TAFA2: variants seen among roughly 807,000 people sequenced by gnomAD.
TAFA2 encodes chemokine-like protein TAFA-2.
A neutral mutation model predicts 18.8 loss-of-function variants in TAFA2; 7 were observed. That is an observed-to-expected ratio of 0.37 (90% CI 0.21 to 0.70). TAFA2 has a LOEUF of 0.70. Ranked by LOEUF, TAFA2 falls within the 30% of genes least tolerant of loss-of-function variation. The probability of loss-of-function intolerance (pLI) is 0.53; values close to 1 mark genes in which losing one functional copy is unlikely to be tolerated. For synonymous variants in TAFA2, 60 were observed against 54.2 expected (o/e 1.11, Z -0.47); for missense variants, 122 against 158.1 (o/e 0.77, Z 1.23).
At chr12:62,093,225 T>C (rs1868796507) in intron 1 of TAFA2, among the ~76,000 whole-genome samples, 1 of 151,982 alleles carries the variant, frequency 6.6e-6, no homozygotes, top group South Asian at 2.1e-4. Context: ...ATTATTCTTT[T>C]AGGAAAATAT....
chr12:61,841,203 C>A (rs1407001618), intron 2 of TAFA2, among the ~76,000 whole-genome samples: 1 of 152,082 alleles, frequency 6.6e-6, no homozygotes, highest in Non-Finnish European at 1.5e-5. Context: ...ACAACCCTGG[C>A]AGGACAGCTG....
At chr12:62,172,594 G>T (rs1411941848) in intron 1 of TAFA2, among the ~76,000 whole-genome samples, 1 of 152,112 alleles carries the variant, frequency 6.6e-6, no homozygotes, top group East Asian at 1.9e-4. Context: ...ATTCATGATG[G>T]ACCAAACAAA....
At chr12:61,744,845 C>T (rs1868626379) in intron 4 of TAFA2, among the ~76,000 whole-genome samples, 1 of 152,046 alleles carries the variant, frequency 6.6e-6, no homozygotes, top group South Asian at 2.1e-4. Context: ...TGCACCTAGT[C>T]TAAAAATGTT....
intron 1 of TAFA2, among the ~76,000 whole-genome samples, chr12:62,033,180 C>A (rs887266442): frequency 6.6e-6 from 1 of 152,154 alleles, no homozygotes; most frequent in Non-Finnish European, 1.5e-5. Context: ...TGGGTTACAT[C>A]ACCCTTTAGC....
intron 1 of TAFA2, among the ~76,000 whole-genome samples, chr12:62,165,939 TCACACACACACA>T (rs34593506): frequency 1.5e-4 from 21 of 139,360 alleles, no homozygotes; most frequent in African/African-American, 3.0e-4. Context: ...TCTCTCTCTC[TCACACACACACA>T]CACACACACA....
At chr12:62,078,465 T>G (rs933800736) in intron 1 of TAFA2, among the ~76,000 whole-genome samples, 2 of 151,464 alleles carry the variant, frequency 1.3e-5, no homozygotes, top group African/African-American at 4.9e-5. Context: ...AAAGACAAGT[T>G]GGACTCAGCA....
At chr12:62,021,472 T>G in intron 1 of TAFA2, 2 of 393,332 alleles carry the variant, frequency 5.1e-6, no homozygotes, top group East Asian at 6.1e-5. Flanking sequence ...CACTGCATCA[T>G]TCTTTTTTTT....
At chr12:61,886,367 A>AC (rs549812727) in intron 1 of TAFA2, among the ~76,000 whole-genome samples, 4 of 151,312 alleles carry the variant, frequency 2.6e-5, no homozygotes, top group South Asian at 2.1e-4. Context: ...TCTCGCTACC[A>AC]CCCCCCTGCC....
intron 1 of TAFA2, among the ~76,000 whole-genome samples, chr12:62,167,952 C>T (rs2062451372): frequency 6.6e-6 from 1 of 152,172 alleles, no homozygotes; most frequent in Admixed American, 6.5e-5. Flanking sequence ...GATTGAAATA[C>T]ATGAAATATG....
At chr12:61,819,462 C>T (rs1872229929) in intron 2 of TAFA2, among the ~76,000 whole-genome samples, 1 of 152,084 alleles carries the variant, frequency 6.6e-6, no homozygotes, top group Non-Finnish European at 1.5e-5. Flanking sequence ...CCTTAGAATA[C>T]CTCTTATGCA....
chr12:62,203,607 T>C (rs2062680516), intron 1 of TAFA2, among the ~76,000 whole-genome samples: 1 of 152,268 alleles, frequency 6.6e-6, no homozygotes, highest in Non-Finnish European at 1.5e-5. Flanking sequence ...TTGTCTTTTT[T>C]TAATCTTCAT....
At chr12:61,769,952 C>A (rs1869954737) in intron 2 of TAFA2, among the ~76,000 whole-genome samples, 2 of 151,756 alleles carry the variant, frequency 1.3e-5, no homozygotes, top group African/African-American at 2.4e-5. Context: ...AAGGAGGCAC[C>A]AGAGAAAGGT....
intron 1 of TAFA2, among the ~76,000 whole-genome samples, chr12:62,078,243 A>G (rs1408361187): frequency 2.0e-5 from 3 of 152,126 alleles, no homozygotes; most frequent in Non-Finnish European, 1.5e-5. Context: ...ATTCCTAACC[A>G]TAAAAGGCAG....
chr12:61,997,423 A>G (rs1880234409), intron 1 of TAFA2, among the ~76,000 whole-genome samples: 1 of 152,122 alleles, frequency 6.6e-6, no homozygotes. Context: ...GTCAAGGAAG[A>G]GCAAGAAAGC....
At chr12:61,974,121 C>A (rs775385462) in intron 1 of TAFA2, among the ~76,000 whole-genome samples, 3 of 151,494 alleles carry the variant, frequency 2.0e-5, no homozygotes, top group Non-Finnish European at 3.0e-5. Context: ...CTAAGCAAGA[C>A]AAAAAGAAGA....
intron 1 of TAFA2, among the ~76,000 whole-genome samples, chr12:62,218,384 A>T (rs1489510950): frequency 6.6e-6 from 1 of 152,160 alleles, no homozygotes; most frequent in East Asian, 1.9e-4. Context: ...TGTCTGATGA[A>T]CACATCCCCT....
At chr12:61,745,144 G>T (rs1868641149) in intron 4 of TAFA2, among the ~76,000 whole-genome samples, 1 of 151,922 alleles carries the variant, frequency 6.6e-6, no homozygotes, top group East Asian at 1.9e-4. Context: ...CAAATTTAAG[G>T]TGTTATACCA....
rs563758284 is a variant in TAFA2, at chr12:62,002,825, A to T, written c.-1-135399T>A. Among the ~76,000 whole-genome samples, 114 of 152,238 alleles carry T rather than the reference A, an allele frequency of 7.5e-4. 2 individuals are homozygous for T. The South Asian group carries it at 0.023, about 31-fold the overall frequency. The stretch of plus-strand genomic sequence containing the variant: ...TACCTATAAATCGTCTAAAATTTAA[A>T]TTTTATGCATCCACCTCCTGGGTTG... On this transcript the variant is annotated intron_variant, in intron 1 of 4. Transcript: ENST00000416284.
intron 1 of TAFA2, among the ~76,000 whole-genome samples, chr12:61,967,137 G>A (rs1879094737): frequency 6.6e-6 from 1 of 151,836 alleles, no homozygotes; most frequent in African/African-American, 2.4e-5. Context: ...CTTCAGCGAA[G>A]ATGTGACATT....
Sources: gnomAD v4.1 joint callset for allele counts (sites outside exome capture counted in the v4.1 genomes callset) on GRCh38, gnomAD v4.1.1 for gene constraint, MANE v1.5 for transcripts, NCBI Gene and HGNC (gene_info 2026-07-23, HGNC 2026-07-21) for gene names.